Variants in SH2B3 observed in about 807,000 individuals in gnomAD.
SH2B3 encodes SH2B adaptor protein 3.
In SH2B3, 43 loss-of-function variants were observed where a neutral mutation model predicts 51.9. The ratio of observed to expected loss-of-function variants is 0.83; its 90% CI spans 0.65 to 1.07. The LOEUF is 1.07. Among genes scored for constraint, SH2B3 ranks in the 50% least tolerant of loss-of-function variants. SH2B3 has a pLI of 0.00. For missense variants in SH2B3, 952 were observed against 834.3 expected, an observed-to-expected ratio of 1.14 and a Z score of -1.74; for synonymous variants, 396 against 376.0, an observed-to-expected ratio of 1.05 and a Z score of -0.62.
intron 2 of SH2B3, among the ~76,000 whole-genome samples, chr12:111,427,837 T>G (rs903039268): frequency 6.6e-6 from 1 of 152,284 alleles, no homozygotes; most frequent in South Asian, 2.1e-4. Context: ...GCAGGCACTT[T>G]ACTGACCTGG....
intron 2 of SH2B3, among the ~76,000 whole-genome samples, chr12:111,439,439 C>T (rs752276771): frequency 6.0e-5 from 9 of 151,258 alleles, no homozygotes; most frequent in South Asian, 2.1e-4. Context: ...TGTGAGCCAC[C>T]GCACCTGGCC....
At chr12:111,417,735 G>A (rs1040156802) in intron 1 of SH2B3, among the ~76,000 whole-genome samples, 13 of 152,094 alleles carry the variant, frequency 8.5e-5, no homozygotes, top group Admixed American at 4.6e-4. Flanking sequence ...GGGATTACAG[G>A]CCTGAGCCTC....
In SH2B3 at chr12:111,438,906, G is replaced by C. The variant is rs977798236; in HGVS notation, c.733-7847G>C. Among the ~76,000 whole-genome samples, 3 of 152,204 alleles carry C rather than the reference G, an allele frequency of 2.0e-5. No homozygotes were observed. The highest frequency in any genetic ancestry group is 7.2e-5 in the African/African-American group (3 of 41,434). Reference sequence around the variant, plus strand: ...TGGCTGGATCAGAGCGAGGGAGGGAGGCCCAAGAGGCTGAGGAGGTAACAA... The same window carrying C: ...TGGCTGGATCAGAGCGAGGGAGGGACGCCCAAGAGGCTGAGGAGGTAACAA... On this transcript the variant is annotated intron_variant, in intron 2 of 7. Coordinates refer to ENST00000341259, the MANE Select transcript of SH2B3 (RefSeq NM_005475.3). The surrounding 1 kb of genome is among the most constrained non-coding windows in gnomAD (Gnocchi z 4.2).
At chr12:111,423,462 C>G (rs1192098650) in intron 2 of SH2B3, among the ~76,000 whole-genome samples, 1 of 152,068 alleles carries the variant, frequency 6.6e-6, no homozygotes, top group Non-Finnish European at 1.5e-5. Flanking sequence ...CTCCGCCTCC[C>G]GGGTTCATGC....
upstream of SH2B3, among the ~76,000 whole-genome samples, chr12:111,405,398 C>T (rs1473928545): frequency 6.6e-6 from 1 of 151,820 alleles, no homozygotes; most frequent in Non-Finnish European, 1.5e-5. This position sits in a 1 kb window ranked among gnomAD's most constrained non-coding sequence, Gnocchi z 5.4. Flanking sequence ...CTCCCTGGGG[C>T]GATGATGAAA....
At chr12:111,445,554 T>C (rs1358269301) in intron 2 of SH2B3, among the ~76,000 whole-genome samples, 1 of 152,232 alleles carries the variant, frequency 6.6e-6, no homozygotes, top group Non-Finnish European at 1.5e-5. Flanking sequence ...TGCAGCTTTC[T>C]AGTGAGAGGC....
At chr12:111,437,319 GGGCTTTTCTGGCAGCCATGT>G (rs1872969746) in intron 2 of SH2B3, among the ~76,000 whole-genome samples, 4 of 152,298 alleles carry the variant, frequency 2.6e-5, no homozygotes, top group African/African-American at 9.6e-5. Flanking sequence ...TGCCAGGAAA[GGGCTTTTCTGGCAGCCATGT>G]GGCTTTTCTG....
Position 111,418,735 on chromosome 12 carries a change from A to G in SH2B3, c.590A>G (p.Lys197Arg), listed in dbSNP as rs1378901211. 1 of 1,485,640 alleles carries G rather than the reference A, an allele frequency of 6.7e-7. No individual in the cohort carries two copies. 92.0% of individuals were successfully genotyped at this position (1,485,640 alleles called of 1,614,324 possible). A position where few individuals can be genotyped will look rare whatever the true frequency, so the allele number is the denominator to read the frequency against. Residue 197 changes from lysine to arginine, a missense_variant, in exon 2 of 8, where the codon AAG (lysine) becomes AGG (arginine). Coordinates refer to ENST00000341259, the MANE Select transcript of SH2B3 (RefSeq NM_005475.3). The surrounding 1 kb of genome is among the most constrained non-coding windows in gnomAD (Gnocchi z 6.7). The part of the protein sequence containing the change: ...LAREPPPEAL[K>R]EAVLRYSLAD... ...CGGGAGCCGCCACCCGAGGCGCTGA[A>G]GGAGGCGGTGCTGCGCTACAGCCTG...
chr12:111,447,823 AC>A lies in SH2B3; in HGVS notation c.1406del (p.Pro469GlnfsTer79). 6.2e-7 allele frequency: 1 copy of A among 1,612,910 alleles called. No homozygotes were observed. ...SSYVVVVSQP[P>X]GSCNTVLFPF... Reference sequence around the variant, plus strand: ...GCTACGTGGTAGTCGTCTCCCAACCACCAGGTCTGACCCTACTGCCCTTTGC... The same window carrying A: ...GCTACGTGGTAGTCGTCTCCCAACCACAGGTCTGACCCTACTGCCCTTTGC... On this transcript the variant is annotated frameshift_variant, in exon 7 of 8. Transcript: ENST00000341259. LOFTEE classifies it high-confidence loss of function.
chr12:111,420,898 C>T (rs1220634453), intron 2 of SH2B3, among the ~76,000 whole-genome samples: 2 of 152,174 alleles, frequency 1.3e-5, no homozygotes, highest in African/African-American at 2.4e-5. Context: ...TTTGAAGTAA[C>T]GTTTTCAAAC....
rs1158832608 is a variant in SH2B3 at position 111,448,919 on chromosome 12, C to A, written c.*617C>A. 2 of 153,496 alleles carry A rather than the reference C, an allele frequency of 1.3e-5. No homozygotes were observed. The highest frequency in any genetic ancestry group is 4.8e-5 in the African/African-American group (2 of 41,462). The allele number at this position is 153,496 out of a possible 1,614,324, so 9.5% of individuals were successfully genotyped here. On this transcript the variant is annotated 3_prime_UTR_variant, in exon 8 of 8. Transcript: ENST00000341259. ...TAAAGGATTCAGGTTCAAAACTTAACCACTGCTTATTTCAGTGCACTGTTT... is the reference window on the plus strand; with the variant it reads ...TAAAGGATTCAGGTTCAAAACTTAAACACTGCTTATTTCAGTGCACTGTTT...
intron 2 of SH2B3, among the ~76,000 whole-genome samples, chr12:111,426,542 A>G (rs1201873291): frequency 6.6e-6 from 1 of 151,960 alleles, no homozygotes; most frequent in South Asian, 2.1e-4. Flanking sequence ...TCTATGACTC[A>G]CTTCAGGGGA....
intron 1 of SH2B3, among the ~76,000 whole-genome samples, chr12:111,408,742 C>A (rs1010840227): frequency 6.6e-5 from 10 of 152,270 alleles, no homozygotes; most frequent in African/African-American, 2.4e-4. Context: ...GCTGGAAACA[C>A]CTTTGGGACC....
chr12:111,438,365 T>C lies in SH2B3; in HGVS notation c.733-8388T>C, dbSNP rs2135588213. On this transcript the variant is annotated intron_variant, in intron 2 of 7. Coordinates refer to ENST00000341259, the MANE Select transcript of SH2B3 (RefSeq NM_005475.3). The surrounding 1 kb of genome is among the most constrained non-coding windows in gnomAD (Gnocchi z 4.2). ...TGCCCTTGCGGGGAGGTCAGGGGGC[T>C]GACACACCTGAGCCTGCCTTTCAGC... 1.3e-5 allele frequency among the ~76,000 whole-genome samples: 2 copies of C among 152,204 alleles called. No individual in the cohort carries two copies. Among genetic ancestry groups the C allele is most frequent in the East Asian group, 3.9e-4 (2 of 5,156 alleles).
At chr12:111,434,664 C>A in intron 2 of SH2B3, 1 of 505,794 alleles carries the variant, frequency 2.0e-6, no homozygotes, top group Non-Finnish European at 2.5e-6. Context: ...GGCCTTTCCC[C>A]ACCCAGGATC....
Position 111,448,707 on chromosome 12 carries a change from A to C in SH2B3, c.*405A>C, listed in dbSNP as rs1380483995. 1 of 204,566 alleles carries C rather than the reference A, an allele frequency of 4.9e-6. No homozygotes were observed. Among genetic ancestry groups the C allele is most frequent in the African/African-American group, 2.3e-5 (1 of 43,120 alleles). 12.7% of individuals were successfully genotyped at this position (204,566 alleles called of 1,614,324 possible). Reference sequence around the variant, plus strand: ...GGGGAGGAGGGGGGGATCATCAGGAAGCCCAGAACACTAACAAGCGGTTCT... The same window carrying C: ...GGGGAGGAGGGGGGGATCATCAGGACGCCCAGAACACTAACAAGCGGTTCT... On this transcript the variant is annotated 3_prime_UTR_variant, in exon 8 of 8. Transcript: ENST00000341259.
chr12:111,434,358 C>T (rs968635533), intron 2 of SH2B3, among the ~76,000 whole-genome samples: 6 of 152,228 alleles, frequency 3.9e-5, no homozygotes, highest in Admixed American at 3.3e-4. Flanking sequence ...TTTCTGTCCC[C>T]GTGGATTTCG....
chr12:111,424,635 T>G (rs1197428120), intron 2 of SH2B3, among the ~76,000 whole-genome samples: 2 of 152,064 alleles, frequency 1.3e-5, no homozygotes, highest in Non-Finnish European at 2.9e-5. Flanking sequence ...CCTGGGGTGT[T>G]GCCTGCAAAG....
chr12:111,424,454 C>G (rs1871822810), intron 2 of SH2B3, among the ~76,000 whole-genome samples: 1 of 152,080 alleles, frequency 6.6e-6, no homozygotes, highest in African/African-American at 2.4e-5. Context: ...CTTGCTGGGC[C>G]CTCAGGGGAA....
Sources: allele counts gnomAD v4.1 joint callset (sites outside exome capture counted in the v4.1 genomes callset), GRCh38; gene constraint gnomAD v4.1.1; non-coding constraint Gnocchi (gnomAD v3.1); transcripts MANE v1.5; gene names NCBI Gene and HGNC (gene_info 2026-07-23, HGNC 2026-07-21).